Variants in MICAL2 observed in about 807,000 individuals in gnomAD.
MICAL2 encodes microtubule associated monooxygenase, calponin and LIM domain containing 2.
In MICAL2, 77 loss-of-function variants were observed where a neutral mutation model predicts 127.3. The observed-to-expected ratio is 0.60, with a 90% CI of 0.50 to 0.73. MICAL2 has a LOEUF of 0.73. Ranked by LOEUF, MICAL2 falls within the 30% of genes least tolerant of loss-of-function variation. The probability of loss-of-function intolerance (pLI) is 0.00; values close to 1 mark genes in which losing one functional copy is unlikely to be tolerated. For synonymous variants in MICAL2, 570 were observed against 551.1 expected, an observed-to-expected ratio of 1.03 and a Z score of -0.48; for missense variants, 1,351 against 1,434.4, an observed-to-expected ratio of 0.94 and a Z score of 0.94.
chr11:12,319,447 C>T (rs890318900), intron 29 of MICAL2, among the ~76,000 whole-genome samples: 2 of 147,176 alleles, frequency 1.4e-5, no homozygotes, highest in East Asian at 2.0e-4. Context: ...TTGGTTTTTT[C>T]TTTTTTTTTT....
chr11:12,262,649 ATACT>A, intron 27 of MICAL2, 112 bp downstream of exon 27: 1 of 905,126 alleles, frequency 1.1e-6, no homozygotes, highest in Non-Finnish European at 1.8e-6. Flanking sequence ...AGTGTCTTGC[ATACT>A]GATGGACTCA....
chr11:12,208,003 C>T lies in MICAL2; in HGVS notation c.473-20C>T. On this transcript the variant is annotated intron_variant, in intron 4 of 27. Coordinates refer to ENST00000683283, the MANE Select transcript of MICAL2 (RefSeq NM_001282663.2). ...TTCAGGTATTGCTGTGACAGTTCCT[C>T]TCTCCTTCCTGCCTGACAGGTATTC... The T allele has an allele frequency of 6.3e-7, 1 of 1,585,766 alleles. No homozygotes were observed. Among genetic ancestry groups the T allele is most frequent in the Non-Finnish European group, 8.7e-7 (1 of 1,154,170 alleles).
chr11:12,195,415 C>T (rs949093579), intron 3 of MICAL2, among the ~76,000 whole-genome samples: 9 of 151,980 alleles, frequency 5.9e-5, no homozygotes, highest in South Asian at 2.1e-4. Flanking sequence ...GAAGGATAGA[C>T]GGATGTGAAT....
rs1224040497 is a variant in MICAL2, at chr11:12,220,137, G to T, written c.949-64G>T. On this transcript the variant is annotated intron_variant, in intron 8 of 27. Coordinates refer to ENST00000683283, the MANE Select transcript of MICAL2 (RefSeq NM_001282663.2). ...CCCATTCCAAGTCCTTTTGCCAAGA[G>T]GTGGGTATGAAGGCTAGCCCTTTAG... 2.5e-6 allele frequency: 4 copies of T among 1,592,988 alleles called. No homozygotes were observed. In the Admixed American group the frequency reaches 6.7e-5, roughly 27 times the overall value.
At chr11:12,318,446 G>T (rs1223562084) in intron 29 of MICAL2, among the ~76,000 whole-genome samples, 5 of 152,132 alleles carry the variant, frequency 3.3e-5, no homozygotes, top group Non-Finnish European at 7.4e-5. Flanking sequence ...GCATTATTTT[G>T]CTTTGAATAA....
At position 12,183,229 on chromosome 11, in the gene MICAL2, G is replaced by A. The variant is rs115259913; in HGVS notation, c.264+20810G>A. ...AGTTTTGTGGTCACTGGGTTTGGAT[G>A]TAATACATTGTTGTGGTTTTGTTGC... On this transcript the variant is annotated intron_variant, in intron 3 of 27. Transcript: ENST00000683283. 4.5e-3 allele frequency among the ~76,000 whole-genome samples: 687 copies of A among 151,496 alleles called. 8 individuals carry two copies. The highest frequency in any genetic ancestry group is 0.016 in the African/African-American group (641 of 41,238).
At chr11:12,251,577 T>TAAAAAA (rs536942703) in intron 22 of MICAL2, among the ~76,000 whole-genome samples, 1 of 93,840 alleles carries the variant, frequency 1.1e-5, no homozygotes, top group South Asian at 4.0e-4. Context: ...CATTTCACTT[T>TAAAAAA]AAAAAAAAAA....
intron 3 of MICAL2, among the ~76,000 whole-genome samples, chr11:12,202,970 C>G (rs1854213268): frequency 6.6e-6 from 1 of 152,200 alleles, no homozygotes; most frequent in African/African-American, 2.4e-5. Flanking sequence ...AATCACTAAT[C>G]CACTTTTGTC....
intron 1 of MICAL2, among the ~76,000 whole-genome samples, chr11:12,121,318 T>TGGAGCA (rs1162742318): frequency 1.3e-5 from 2 of 152,186 alleles, no homozygotes; most frequent in Non-Finnish European, 2.9e-5. Context: ...GGGCTACTGC[T>TGGAGCA]GGAGCAGGAG....
At chr11:12,356,536 G>A (rs1310741607) in intron 34 of MICAL2, among the ~76,000 whole-genome samples, 1 of 152,064 alleles carries the variant, frequency 6.6e-6, no homozygotes, top group Non-Finnish European at 1.5e-5. Flanking sequence ...CCCCATCATT[G>A]GGCTGCAACT....
At chr11:12,260,175 T>G (rs1307842013) in intron 26 of MICAL2, 4 of 1,498,254 alleles carry the variant, frequency 2.7e-6, no homozygotes, top group Non-Finnish European at 3.6e-6. Context: ...TCCGCTGACA[T>G]GGCTGGCTGC....
At chr11:12,150,355 A>T (rs1158759252) in intron 2 of MICAL2, among the ~76,000 whole-genome samples, 1 of 152,138 alleles carries the variant, frequency 6.6e-6, no homozygotes, top group Non-Finnish European at 1.5e-5. Context: ...TTGGCCCAGG[A>T]GGTCAAGGCT....
At chr11:12,270,028 C>T (rs1241614153) in intron 24 of MICAL2, among the ~76,000 whole-genome samples, 1 of 152,230 alleles carries the variant, frequency 6.6e-6, no homozygotes, top group African/African-American at 2.4e-5. Flanking sequence ...GCAGCCAGCC[C>T]ATCTTGGTAC....
intron 16 of MICAL2, among the ~76,000 whole-genome samples, chr11:12,238,048 T>C (rs1859326331): frequency 6.6e-6 from 1 of 152,194 alleles, no homozygotes; most frequent in Non-Finnish European, 1.5e-5. Context: ...ACACTCAGAG[T>C]GGCTCTACAT....
intron 3 of MICAL2, among the ~76,000 whole-genome samples, chr11:12,176,477 T>C (rs1049011134): frequency 3.3e-5 from 5 of 152,208 alleles, no homozygotes; most frequent in African/African-American, 1.2e-4. Flanking sequence ...TTGCCTTTTG[T>C]GACACAACTT....
At chr11:12,238,946 A>G (rs1859487740) in intron 16 of MICAL2, among the ~76,000 whole-genome samples, 1 of 151,838 alleles carries the variant, frequency 6.6e-6, no homozygotes. Flanking sequence ...GAAAGGAGAA[A>G]GATCTCCAGA....
At chr11:12,330,987 T>A (rs978488697) in intron 32 of MICAL2, among the ~76,000 whole-genome samples, 24 of 151,798 alleles carry the variant, frequency 1.6e-4, no homozygotes, top group African/African-American at 5.3e-4. Context: ...GAGAGTCCCC[T>A]CTTGGTCCTA....
intron 29 of MICAL2, among the ~76,000 whole-genome samples, chr11:12,307,862 A>G (rs1864130946): frequency 6.6e-6 from 1 of 152,156 alleles, no homozygotes; most frequent in Admixed American, 6.6e-5. Flanking sequence ...TGATTATTGC[A>G]GCTTTAGAGT....
chr11:12,285,432 G>A (rs1863814260), intron 2 of MICAL2, among the ~76,000 whole-genome samples: 1 of 152,202 alleles, frequency 6.6e-6, no homozygotes, highest in South Asian at 2.1e-4. Context: ...CAGGCAGGAA[G>A]GGGGTTTGTC....
Sources: allele counts gnomAD v4.1 joint callset (sites outside exome capture counted in the v4.1 genomes callset), GRCh38; gene constraint gnomAD v4.1.1; transcripts MANE v1.5; gene names NCBI Gene and HGNC (gene_info 2026-07-23, HGNC 2026-07-21).